Variants in MRPS30 observed in about 807,000 individuals in gnomAD.
The protein encoded by MRPS30 is large ribosomal subunit protein mL65.
In MRPS30, 42 loss-of-function variants were observed where a neutral mutation model predicts 43.8. That is an observed-to-expected ratio of 0.96 (90% CI 0.75 to 1.24). MRPS30 has a LOEUF of 1.24. MRPS30 is among the 50% of genes most tolerant of loss of function. The pLI is 0.00. For synonymous variants in MRPS30, 273 were observed against 228.2 expected (o/e 1.20, Z -1.77); for missense variants, 638 against 570.0 (o/e 1.12, Z -1.22).
In MRPS30 at chr5:44,815,222, A is replaced by T; in HGVS notation, c.*20A>T. 2.0e-6 allele frequency: 3 copies of T among 1,537,854 alleles called. No individual in the cohort carries two copies. The highest frequency in any genetic ancestry group is 2.6e-6 in the Non-Finnish European group (3 of 1,148,860). Reference sequence around the variant, plus strand: ...AACTGAAAAAGCATATTTGATTGAGAACTGTGGGAATATTTAAATTTTACT... The same window carrying T: ...AACTGAAAAAGCATATTTGATTGAGTACTGTGGGAATATTTAAATTTTACT... On this transcript the variant is annotated 3_prime_UTR_variant, in exon 5 of 5. Transcript: ENST00000507110.
intron 3 of MRPS30, among the ~76,000 whole-genome samples, chr5:44,812,434 T>C (rs1742859321): frequency 1.3e-5 from 2 of 152,134 alleles, no homozygotes; most frequent in Non-Finnish European, 2.9e-5. Flanking sequence ...CCCTCCCTCA[T>C]GCAGCTTATT....
intron 2 of MRPS30, 38 bp downstream of exon 2, chr5:44,811,192 C>G (rs771044620): frequency 1.2e-6 from 2 of 1,600,996 alleles, no homozygotes; most frequent in Admixed American, 3.4e-5. Flanking sequence ...ATTGATATCT[C>G]GTGTAGGATT....
chr5:44,811,959 A>G lies in MRPS30; in HGVS notation c.792A>G (p.Ile264Met). Residue 264 changes from isoleucine (I) to methionine (M), a missense_variant, in exon 3 of 5, where the codon ATA becomes ATG. Ile to Met is a conservative substitution (Grantham distance 10). Transcript: ENST00000507110. The part of the protein sequence containing the change: ...DYSVPIEIPT[I>M]KCKPDKLPLF... ...CTGTTCCTATAGAAATCCCCACTATAAAATGTAAACCAGACAAACTTCCAT... is the reference window on the plus strand; with the variant it reads ...CTGTTCCTATAGAAATCCCCACTATGAAATGTAAACCAGACAAACTTCCAT... 6.2e-7 allele frequency: 1 copy of G among 1,600,316 alleles called. No individual in the cohort carries two copies. Among genetic ancestry groups the G allele is most frequent in the South Asian group, 1.1e-5 (1 of 88,852 alleles).
In MRPS30 at chr5:44,809,390, G is replaced by C; in HGVS notation, c.428G>C (p.Arg143Pro). 6.2e-7 allele frequency: 1 copy of C among 1,609,948 alleles called. No homozygotes were observed. The highest frequency in any genetic ancestry group is 8.5e-7 in the Non-Finnish European group (1 of 1,178,106). The change falls in exon 1 of 5, where the codon CGT (arginine) becomes CCT (proline). Residue 143 changes from arginine (R) to proline (P), a missense_variant. Physicochemically the swap from Arg to Pro is moderately radical, Grantham distance 103. Coordinates refer to ENST00000507110, the MANE Select transcript of MRPS30 (RefSeq NM_016640.4). ...PEPALDLAAL[R>P]AVACDCLLQE... Reference sequence around the variant, plus strand: ...CCTGCGCTGGACCTCGCGGCGCTGCGTGCGGTCGCCTGCGACTGCCTGCTG... The same window carrying C: ...CCTGCGCTGGACCTCGCGGCGCTGCCTGCGGTCGCCTGCGACTGCCTGCTG...
At chr5:44,813,020 G>A (rs1742867688) in intron 3 of MRPS30, 86 bp from the exon 4 acceptor site, 3 of 1,323,436 alleles carry the variant, frequency 2.3e-6, no homozygotes, top group South Asian at 1.3e-5. Context: ...TATAAAGAAG[G>A]AAAAAAAAGG....
At chr5:44,810,225 C>T (rs1277748707) in intron 1 of MRPS30, among the ~76,000 whole-genome samples, 1 of 151,962 alleles carries the variant, frequency 6.6e-6, no homozygotes, top group Non-Finnish European at 1.5e-5. Context: ...GAAAAAAAGA[C>T]AAAAACGTAA....
Position 44,813,045 on chromosome 5 carries a change from CAT to C in MRPS30, c.854-60_854-59del, listed in dbSNP as rs909505846. 1.3e-4 allele frequency: 198 copies of C among 1,530,114 alleles called. No homozygotes were observed. In the East Asian group the frequency reaches 4.0e-3, roughly 31 times the overall value. The allele number at this position is 1,530,114 out of a possible 1,614,324, so 94.8% of individuals were successfully genotyped here. A position where few individuals can be genotyped will look rare whatever the true frequency, so the allele number is the denominator to read the frequency against. Reference sequence around the variant, plus strand: ...GAAAAAAAAGGCTCAAATACTAAAACATGTGCTCCACATGTTCTACATGTTTG... The same window carrying C: ...GAAAAAAAAGGCTCAAATACTAAAACGTGCTCCACATGTTCTACATGTTTG... On this transcript the variant is annotated intron_variant, in intron 3 of 4. Coordinates refer to ENST00000507110, the MANE Select transcript of MRPS30 (RefSeq NM_016640.4).
At chr5:44,813,008 T>C in intron 3 of MRPS30, 98 bp from the exon 4 acceptor site, 1 of 1,037,254 alleles carries the variant, frequency 9.6e-7, no homozygotes, top group South Asian at 1.5e-5. Context: ...GAGAATATGA[T>C]GTATAAAGAA....
rs895626672 is a variant in MRPS30, at chr5:44,815,432, T to A, written c.*230T>A. The A allele has an allele frequency of 5.2e-6, 2 of 385,062 alleles. No homozygotes were observed. Among genetic ancestry groups the A allele is most frequent in the African/African-American group, 4.1e-5 (2 of 48,616 alleles). 23.9% of individuals were successfully genotyped at this position (385,062 alleles called of 1,614,324 possible). On this transcript the variant is annotated 3_prime_UTR_variant, in exon 5 of 5. Transcript: ENST00000507110. ...ATTGCATTTGTATATTGCTAACTGA[T>A]AAGACAAATTGAGTTATTGAGCTAT... is the stretch of plus-strand genomic sequence containing the variant.
rs766876615 is a variant in MRPS30 at position 44,811,159 on chromosome 5, G to A, written c.747+5G>A. On this transcript the variant is annotated splice_donor_5th_base_variant and intron_variant, in intron 2 of 4. Transcript: ENST00000507110. The stretch of plus-strand genomic sequence containing the variant: ...ATATCCAAGCAACTCGCAGAGGTAA[G>A]GATTTATTGCGATTATGTATCTATT... The A allele has an allele frequency of 1.2e-6, 2 of 1,613,356 alleles. No individual in the cohort carries two copies. The highest frequency in any genetic ancestry group is 1.7e-6 in the Non-Finnish European group (2 of 1,179,540).
At chr5:44,809,838 G>T in intron 1 of MRPS30, 1 of 439,914 alleles carries the variant, frequency 2.3e-6, no homozygotes. Context: ...CTTTGTGAGT[G>T]TTCAGCCAAA....
rs199713309 is a variant in MRPS30 at position 44,809,185 on chromosome 5, T to C, written c.223T>C (p.Ser75Pro). 6.2e-7 allele frequency: 1 copy of C among 1,612,286 alleles called. No homozygotes were observed. The highest frequency in any genetic ancestry group is 1.7e-5 in the Admixed American group (1 of 59,934). Residue 75 changes from serine (S) to proline (P), a missense_variant, in exon 1 of 5, where the codon TCG becomes CCG. By Grantham distance (74) the Ser-to-Pro change is moderately conservative (BLOSUM62 -1). Transcript: ENST00000507110. ...RWQATVHAAE[S>P]VDEKLRILTK... is the part of the protein sequence containing the mutation. ...GCAGGCGACGGTGCACGCTGCGGAG[T>C]CGGTAGACGAGAAGCTGCGAATCCT...
chr5:44,810,653 G>A (rs917861803), intron 1 of MRPS30, among the ~76,000 whole-genome samples: 1 of 152,168 alleles, frequency 6.6e-6, no homozygotes, highest in African/African-American at 2.4e-5. Context: ...CTATAAAATA[G>A]AGATAATGAA....
intron 4 of MRPS30, 133 bp downstream of exon 4, chr5:44,813,415 G>T (rs983003418): frequency 2.8e-6 from 2 of 708,488 alleles, no homozygotes; most frequent in Non-Finnish European, 4.3e-6. Context: ...TTGGCACAAA[G>T]TACAGTTGTT....
chr5:44,809,514 C>T lies in MRPS30; in HGVS notation c.552C>T (p.Leu184=), dbSNP rs1449062417. The part of the protein sequence containing the change: ...LPFLDQLVST[L]VGLLSPHNPA... ...TCCTGGATCAGCTGGTGTCAACCCTCGTGGGCCTCCTCAGCCCACACAACC... is the reference window on the plus strand; with the variant it reads ...TCCTGGATCAGCTGGTGTCAACCCTTGTGGGCCTCCTCAGCCCACACAACC... Residue 184 remains leucine (L), a synonymous_variant, in exon 1 of 5, where the codon CTC becomes CTT. Transcript: ENST00000507110. 5.0e-6 allele frequency: 8 copies of T among 1,611,900 alleles called. No homozygotes were observed. The Admixed American group carries it at 5.0e-5, about 10-fold the overall frequency.
Position 44,813,124 on chromosome 5 carries a change from C to T in MRPS30, c.872C>T (p.Pro291Leu), listed in dbSNP as rs1233515566. Residue 291 changes from proline to leucine, a missense_variant, in exon 4 of 5, where the codon CCT becomes CTT. Coordinates refer to ENST00000507110, the MANE Select transcript of MRPS30 (RefSeq NM_016640.4). ...HIFVGSKTAD[P>L]CCYGHTQFHL... Reference sequence around the variant, plus strand: ...TCTTCAGGCTCAAAAACTGCAGATCCTTGCTGTTACGGTCACACCCAGTTT... The same window carrying T: ...TCTTCAGGCTCAAAAACTGCAGATCTTTGCTGTTACGGTCACACCCAGTTT... The T allele has an allele frequency of 1.2e-6, 2 of 1,612,056 alleles. No individual in the cohort carries two copies. Among genetic ancestry groups the T allele is most frequent in the South Asian group, 2.2e-5 (2 of 90,484 alleles).
chr5:44,811,725 C>G (rs1001033011), intron 2 of MRPS30, among the ~76,000 whole-genome samples, 190 bp from the exon 3 acceptor site: 1 of 152,166 alleles, frequency 6.6e-6, no homozygotes, highest in South Asian at 2.1e-4. Flanking sequence ...GAATATGTGT[C>G]GGCTGTGTTC....
chr5:44,814,744 A>G (rs1742891781), intron 4 of MRPS30, among the ~76,000 whole-genome samples, 169 bp from the exon 5 acceptor site: 1 of 152,230 alleles, frequency 6.6e-6, no homozygotes, highest in South Asian at 2.1e-4. Flanking sequence ...GAAATAAAAT[A>G]TAGGGTTAGA....
Position 44,808,999 on chromosome 5 carries a change from G to A in MRPS30, c.37G>A (p.Gly13Ser). ...AARCWRPLLR[G>S]PRLSLHTAAN... The stretch of plus-strand genomic sequence containing the variant: ...CAGGTGTTGGAGGCCTTTGCTACGC[G>A]GTCCGAGGCTTTCATTGCACACCGC... The change falls in exon 1 of 5, where the codon GGT (glycine) becomes AGT (serine). Residue 13 changes from glycine to serine, a missense_variant. By Grantham distance (56) the Gly-to-Ser change is moderately conservative (BLOSUM62 0). Transcript: ENST00000507110. The A allele has an allele frequency of 5.6e-6, 9 of 1,608,490 alleles. No individual in the cohort carries two copies. The highest frequency in any genetic ancestry group is 7.6e-6 in the Non-Finnish European group (9 of 1,177,964).
Sources: gnomAD v4.1 joint callset for allele counts (sites outside exome capture counted in the v4.1 genomes callset) on GRCh38, gnomAD v4.1.1 for gene constraint, MANE v1.5 for transcripts, NCBI Gene and HGNC (gene_info 2026-07-23, HGNC 2026-07-21) for gene names.